SLA: variants seen among roughly 807,000 people sequenced by gnomAD.
SLA encodes src-like-adapter.
SLA carries 16 observed loss-of-function variants against 30.3 expected under a neutral mutation model. The observed-to-expected ratio is 0.53, with a 90% CI of 0.36 to 0.80. The LOEUF (loss-of-function observed/expected upper bound fraction) is 0.80. Ranked by LOEUF, SLA falls within the 30% of genes least tolerant of loss-of-function variation. SLA has a pLI of 0.01. For missense variants in SLA, 310 were observed against 345.2 expected (o/e 0.90, Z 0.81); for synonymous variants, 143 against 137.8 (o/e 1.04, Z -0.26).
At chr8:133,097,617 A>ATCTT (rs982395005) in intron 1 of SLA, among the ~76,000 whole-genome samples, 6 of 152,246 alleles carry the variant, frequency 3.9e-5, no homozygotes, top group Admixed American at 6.5e-5. Context: ...ACCTGTATAT[A>ATCTT]TCTTTATATT....
At chr8:133,094,819 A>G in intron 1 of SLA, 1 of 624,584 alleles carries the variant, frequency 1.6e-6, no homozygotes, top group Non-Finnish European at 2.9e-6. Flanking sequence ...CTCACTTCAC[A>G]GGTTAGGAAA....
At chr8:133,052,099 G>GC (rs1840512789) in intron 3 of SLA, among the ~76,000 whole-genome samples, 1 of 152,144 alleles carries the variant, frequency 6.6e-6, no homozygotes, top group African/African-American at 2.4e-5. Context: ...GCCCAAACAA[G>GC]CCACTTTCTA....
At chr8:133,091,655 T>C (rs1043016736) in intron 1 of SLA, among the ~76,000 whole-genome samples, 2 of 151,990 alleles carry the variant, frequency 1.3e-5, no homozygotes, top group Admixed American at 1.3e-4. Flanking sequence ...TGAGTATGTG[T>C]CTATGACTGT....
rs1166337678 is a variant in SLA at position 133,058,301 on chromosome 8, C to T, written c.61+1799G>A. On this transcript the variant is annotated intron_variant, in intron 3 of 8. Coordinates refer to ENST00000338087, the MANE Select transcript of SLA (RefSeq NM_001045556.3). Reference sequence around the variant, plus strand: ...TTGATGTGGTTGCCTGGATCACAAACGGGGTATGACCAGGGGAATTCTCTT... The same window carrying T: ...TTGATGTGGTTGCCTGGATCACAAATGGGGTATGACCAGGGGAATTCTCTT... Among the ~76,000 whole-genome samples, 8 of 152,056 alleles carry T rather than the reference C, an allele frequency of 5.3e-5. 1 individual carries two copies. Among genetic ancestry groups the T allele is most frequent in the African/African-American group, 7.2e-5 (3 of 41,412 alleles).
At chr8:133,046,059 A>G (rs527656606) in intron 6 of SLA, among the ~76,000 whole-genome samples, 1 of 152,334 alleles carries the variant, frequency 6.6e-6, no homozygotes, top group South Asian at 2.1e-4. Context: ...CGTTAGAGCA[A>G]TGACCTGATA....
chr8:133,070,627 CT>C (rs1174328891), intron 2 of SLA, among the ~76,000 whole-genome samples: 2 of 152,224 alleles, frequency 1.3e-5, no homozygotes, highest in Non-Finnish European at 2.9e-5. Flanking sequence ...TTGTTCAGGG[CT>C]GGGTCTAGCC....
intron 1 of SLA, among the ~76,000 whole-genome samples, chr8:133,097,073 AG>A (rs1046488188): frequency 6.6e-6 from 1 of 152,242 alleles, no homozygotes; most frequent in Admixed American, 6.5e-5. Context: ...TCAAGCCTAC[AG>A]GGAAGCCCAG....
intron 2 of SLA, among the ~76,000 whole-genome samples, chr8:133,062,480 C>T (rs993269895): frequency 1.3e-5 from 2 of 152,254 alleles, no homozygotes; most frequent in Non-Finnish European, 2.9e-5. Flanking sequence ...CTCCCCGGTG[C>T]CGGGCCCTGG....
chr8:133,047,999 G>A (rs888711478), intron 5 of SLA, 66 bp from the exon 6 acceptor site: 13 of 913,928 alleles, frequency 1.4e-5, no homozygotes, highest in Admixed American at 9.5e-5. Flanking sequence ...GCAGGAATGC[G>A]CCACCCACCG....
chr8:133,086,320 A>G (rs942880283), intron 1 of SLA, among the ~76,000 whole-genome samples: 1 of 152,244 alleles, frequency 6.6e-6, no homozygotes, highest in East Asian at 1.9e-4. Context: ...ACTAAAAACC[A>G]TTGAATTAAG....
chr8:133,091,698 G>A (rs888434415), intron 1 of SLA, among the ~76,000 whole-genome samples: 1 of 152,086 alleles, frequency 6.6e-6, no homozygotes, highest in Admixed American at 6.5e-5. Flanking sequence ...GTGTGTTTGT[G>A]TGTCCTTCTG....
At chr8:133,051,813 A>G (rs1840465180) in intron 3 of SLA, among the ~76,000 whole-genome samples, 1 of 152,180 alleles carries the variant, frequency 6.6e-6, no homozygotes, top group Non-Finnish European at 1.5e-5. Flanking sequence ...TGTATCAGCA[A>G]ATACAGTTAT....
intron 3 of SLA, among the ~76,000 whole-genome samples, chr8:133,055,357 G>GCA (rs1186779364): frequency 2.3e-4 from 14 of 59,944 alleles, no homozygotes; most frequent in African/African-American, 9.7e-4. Flanking sequence ...ACACACACAC[G>GCA]CACGCGCGCA....
At chr8:133,040,385 TC>T (rs1837995227) in intron 7 of SLA, 6 of 449,444 alleles carry the variant, frequency 1.3e-5, no homozygotes, top group Non-Finnish European at 2.0e-5. Flanking sequence ...AGATCCAGTA[TC>T]AACCAAGCTT....
At chr8:133,052,839 G>T (rs990825942) in intron 3 of SLA, among the ~76,000 whole-genome samples, 3 of 152,244 alleles carry the variant, frequency 2.0e-5, no homozygotes, top group Non-Finnish European at 4.4e-5. Flanking sequence ...AATCTGCCCA[G>T]AAGCTGAGGC....
chr8:133,075,776 A>G (rs923251404), intron 1 of SLA, among the ~76,000 whole-genome samples: 4 of 152,140 alleles, frequency 2.6e-5, no homozygotes, highest in Non-Finnish European at 5.9e-5. Context: ...ATACATCTAC[A>G]TCTATATATC....
At position 133,045,031 on chromosome 8, in the gene SLA, G is replaced by A. The variant is rs750571852; in HGVS notation, c.437C>T (p.Pro146Leu). The A allele has an allele frequency of 1.2e-5, 19 of 1,614,120 alleles. No homozygotes were observed. The highest frequency in any genetic ancestry group is 1.6e-5 in the Non-Finnish European group (19 of 1,179,986). The change falls in exon 7 of 9, where the codon CCG (proline) becomes CTG (leucine). Residue 146 changes from proline (P) to leucine (L), a missense_variant. Physicochemically the swap from Pro to Leu is moderately conservative, Grantham distance 98. Coordinates refer to ENST00000338087, the MANE Select transcript of SLA (RefSeq NM_001045556.3). ...RLPNNWYYISPRLTFQCLEDL... is the reference protein window; with the variant it reads ...RLPNNWYYISLRLTFQCLEDL... ...CTCCAGGCACTGGAAGGTGAGCCTCGGGGAAATGTAGTACCAGTTGTTGGG... is the reference window on the plus strand; with the variant it reads ...CTCCAGGCACTGGAAGGTGAGCCTCAGGGAAATGTAGTACCAGTTGTTGGG...
chr8:133,050,026 T>G (rs117903020), intron 4 of SLA, 38 bp from the exon 5 acceptor site: 41,154 of 1,342,762 alleles, frequency 0.031, 803 homozygotes, highest in South Asian at 0.076. Context: ...CAGAGATAGG[T>G]AAATAGCAAA....
intron 4 of SLA, chr8:133,050,529 G>A (rs17622362): frequency 0.026 from 9,094 of 351,886 alleles, 165 homozygotes; most frequent in Middle Eastern, 0.046. Context: ...CACTGCACAT[G>A]TGGTGGGAGA....
Sources: gnomAD v4.1 joint callset for allele counts (sites outside exome capture counted in the v4.1 genomes callset) on GRCh38, gnomAD v4.1.1 for gene constraint, MANE v1.5 for transcripts, NCBI Gene and HGNC (gene_info 2026-07-23, HGNC 2026-07-21) for gene names.